The following PLS1 variants were observed in gnomAD, a reference collection of about 807,000 sequenced individuals.
PLS1 encodes plastin 1.
A neutral mutation model predicts 73.7 loss-of-function variants in PLS1; 32 were observed. The ratio of observed to expected loss-of-function variants is 0.43; its 90% CI spans 0.33 to 0.58. PLS1 has a LOEUF of 0.58. Among genes scored for constraint, PLS1 ranks in the 20% least tolerant of loss-of-function variants. PLS1 has a pLI of 0.04. For synonymous variants in PLS1, 217 were observed against 261.3 expected (o/e 0.83, Z 1.63); for missense variants, 633 against 740.5 (o/e 0.85, Z 1.68).
chr3:142,711,529 T>C lies in PLS1; in HGVS notation c.1658T>C (p.Val553Ala), dbSNP rs1283780796. 2 of 1,600,122 alleles carry C rather than the reference T, an allele frequency of 1.2e-6. No homozygotes were observed. Among genetic ancestry groups the C allele is most frequent in the Admixed American group, 3.3e-5 (2 of 59,932 alleles). Residue 553 changes from valine (V) to alanine (A), a missense_variant, in exon 15 of 16, where the codon GTC becomes GCC. Val to Ala is a moderately conservative substitution (Grantham distance 64). Transcript: ENST00000457734. ...AAATCTATAAGCACAAGTTTACCTGTCCTAGATTTAATAGATGCCATTGCA... is the reference window on the plus strand; with the variant it reads ...AAATCTATAAGCACAAGTTTACCTGCCCTAGATTTAATAGATGCCATTGCA... Reference protein sequence around the residue: ...KDKSISTSLPVLDLIDAIAPN... With the variant: ...KDKSISTSLPALDLIDAIAPN...
intron 1 of PLS1, among the ~76,000 whole-genome samples, chr3:142,612,919 C>T (rs1035296621): frequency 2.0e-5 from 3 of 152,080 alleles, no homozygotes; most frequent in African/African-American, 7.2e-5. Context: ...CATGTACCAC[C>T]ACACCTAACT....
chr3:142,690,092 T>A (rs1479763904), intron 10 of PLS1, among the ~76,000 whole-genome samples: 1 of 152,206 alleles, frequency 6.6e-6, no homozygotes, highest in African/African-American at 2.4e-5. Flanking sequence ...ACCACCAACA[T>A]GGACAATGAA....
At chr3:142,699,589 TCAAA>T (rs1173260924) in intron 12 of PLS1, among the ~76,000 whole-genome samples, 12 of 152,244 alleles carry the variant, frequency 7.9e-5, no homozygotes, top group African/African-American at 2.9e-4. Flanking sequence ...TAAAGTATAA[TCAAA>T]CAAACAAAAA....
At position 142,703,999 on chromosome 3, in the gene PLS1, A is replaced by C; in HGVS notation, c.1503A>C (p.Arg501Ser). 3 of 1,613,992 alleles carry C rather than the reference A, an allele frequency of 1.9e-6. No homozygotes were observed. The highest frequency in any genetic ancestry group is 2.5e-6 in the Non-Finnish European group (3 of 1,179,898). ...LTLALVWQLMRRYTLNVLSDL... is the reference protein window; with the variant it reads ...LTLALVWQLMSRYTLNVLSDL... ...TGGCATTGGTATGGCAGCTGATGAG[A>C]AGGTAAAGGCTGATATGTTGGTAGC... The change falls in exon 13 of 16, where the codon AGA becomes AGC. Residue 501 changes from arginine to serine, a missense_variant and splice_region_variant. By Grantham distance (110) the Arg-to-Ser change is moderately radical (BLOSUM62 -1). Transcript: ENST00000457734.
intron 1 of PLS1, among the ~76,000 whole-genome samples, chr3:142,608,299 A>T (rs1264029420): frequency 6.6e-6 from 1 of 152,250 alleles, no homozygotes; most frequent in Non-Finnish European, 1.5e-5. Flanking sequence ...CTGTTATGAG[A>T]CAGCATCTAA....
chr3:142,664,782 T>C (rs1416881437), intron 2 of PLS1, among the ~76,000 whole-genome samples: 2 of 152,192 alleles, frequency 1.3e-5, no homozygotes, highest in Admixed American at 1.3e-4. Flanking sequence ...TAGTATTGTT[T>C]TTAAAGGCCG....
At chr3:142,681,903 A>T (rs923800164) in intron 6 of PLS1, among the ~76,000 whole-genome samples, 1 of 152,206 alleles carries the variant, frequency 6.6e-6, no homozygotes, top group Non-Finnish European at 1.5e-5. Flanking sequence ...AAGCCAAATT[A>T]CTTTAAGACA....
intron 1 of PLS1, among the ~76,000 whole-genome samples, chr3:142,651,997 G>C (rs2037105047): frequency 6.6e-6 from 1 of 152,120 alleles, no homozygotes; most frequent in Admixed American, 6.5e-5. Flanking sequence ...AGACATGGAT[G>C]GGATTTCCAG....
At chr3:142,600,889 TATATATATATATATATATA>T (rs2108530771) in intron 1 of PLS1, among the ~76,000 whole-genome samples, 1 of 20,142 alleles carries the variant, frequency 5.0e-5, no homozygotes, top group South Asian at 2.0e-3. Context: ...TATATATATA[TATATATATATATATATATA>T]TATATATATT....
intron 3 of PLS1, 144 bp downstream of exon 3, chr3:142,669,697 C>A: frequency 3.7e-6 from 2 of 544,146 alleles, no homozygotes; most frequent in Non-Finnish European, 6.4e-6. Flanking sequence ...ATGACAATAA[C>A]TATTATTATC....
At chr3:142,601,168 G>A (rs931802419) in intron 1 of PLS1, among the ~76,000 whole-genome samples, 10 of 150,182 alleles carry the variant, frequency 6.7e-5, no homozygotes, top group Admixed American at 2.7e-4. Context: ...CTCGTGATCC[G>A]CCCGCCTTGG....
intron 1 of PLS1, among the ~76,000 whole-genome samples, chr3:142,658,696 G>A (rs2037297156): frequency 6.6e-6 from 1 of 151,988 alleles, no homozygotes; most frequent in Non-Finnish European, 1.5e-5. Flanking sequence ...TCAGCAGTTT[G>A]CTTTTTTCAT....
chr3:142,703,014 C>T (rs1310719548), intron 12 of PLS1, among the ~76,000 whole-genome samples: 1 of 152,096 alleles, frequency 6.6e-6, no homozygotes, highest in Admixed American at 6.6e-5. Flanking sequence ...GGAGTTCAAG[C>T]AAAGGATAGA....
intron 8 of PLS1, among the ~76,000 whole-genome samples, chr3:142,685,022 C>G (rs1040334988): frequency 6.6e-6 from 1 of 151,872 alleles, no homozygotes; most frequent in Non-Finnish European, 1.5e-5. Flanking sequence ...TGTCCTCCCC[C>G]ATCCTGCCCC....
intron 1 of PLS1, among the ~76,000 whole-genome samples, chr3:142,646,046 C>T (rs2036946319): frequency 6.6e-6 from 1 of 152,176 alleles, no homozygotes; most frequent in African/African-American, 2.4e-5. Context: ...ACTTAGCAGA[C>T]TCCTTGGGTT....
chr3:142,604,550 GA>G (rs2035985293), intron 1 of PLS1, among the ~76,000 whole-genome samples: 2 of 152,302 alleles, frequency 1.3e-5, no homozygotes, highest in East Asian at 3.9e-4. Context: ...TTTTTCATCA[GA>G]AGTTGTCATG....
chr3:142,606,234 T>G (rs138879520), intron 1 of PLS1, among the ~76,000 whole-genome samples: 93 of 152,378 alleles, frequency 6.1e-4, no homozygotes, highest in Middle Eastern at 3.4e-3. Flanking sequence ...GTTGCTCATT[T>G]AATCTAGAAA....
intron 11 of PLS1, among the ~76,000 whole-genome samples, chr3:142,696,295 T>C (rs1382032547): frequency 6.6e-6 from 1 of 152,234 alleles, no homozygotes; most frequent in Non-Finnish European, 1.5e-5. Context: ...ACCTTTTAGC[T>C]AAAGATATCT....
In PLS1 at chr3:142,676,276, G is replaced by A; in HGVS notation, c.484G>A (p.Gly162Ser). The change falls in exon 5 of 16, where the codon GGC becomes AGC. Residue 162 changes from glycine to serine, a missense_variant. Gly to Ser is a moderately conservative substitution (Grantham distance 56, BLOSUM62 0). Transcript: ENST00000457734. ...DDSLFKSLAD[G>S]ILLCKMINLS... ...TAGTCTTTTCAAGTCACTTGCAGATGGCATCCTTCTTTGGTGAGTTGAACT... is the reference window on the plus strand; with the variant it reads ...TAGTCTTTTCAAGTCACTTGCAGATAGCATCCTTCTTTGGTGAGTTGAACT... 1 of 1,612,656 alleles carries A rather than the reference G, an allele frequency of 6.2e-7. No individual in the cohort carries two copies. The highest frequency in any genetic ancestry group is 8.5e-7 in the Non-Finnish European group (1 of 1,179,532).
Sources: allele counts gnomAD v4.1 joint callset (sites outside exome capture counted in the v4.1 genomes callset), GRCh38; gene constraint gnomAD v4.1.1; transcripts MANE v1.5; gene names NCBI Gene and HGNC (gene_info 2026-07-23, HGNC 2026-07-21).